The following FGD4 variants were observed in gnomAD, a reference collection of about 807,000 sequenced individuals.
FGD4 encodes FYVE, RhoGEF and PH domain containing 4, also known as FYVE, RhoGEF and PH domain-containing protein 4.
Under a neutral mutation model 102.0 loss-of-function variants are expected in FGD4, and 42 were observed. The observed-to-expected ratio is 0.41, with a 90% CI of 0.32 to 0.53. The LOEUF is 0.53. Among genes scored for constraint, FGD4 ranks in the 20% least tolerant of loss-of-function variants. The pLI is 0.21. For synonymous variants in FGD4, 380 were observed against 375.7 expected (o/e 1.01, Z -0.13); for missense variants, 902 against 1,078.2 (o/e 0.84, Z 2.29).
chr12:32,459,877 T>C (rs529494128), intron 1 of FGD4, among the ~76,000 whole-genome samples: 1 of 151,936 alleles, frequency 6.6e-6, no homozygotes, highest in South Asian at 2.1e-4. Flanking sequence ...TTTTTTTGTT[T>C]TTTTTTGTTT....
rs559609064 is a variant in FGD4 at position 32,426,492 on chromosome 12, C to T, written c.166+26533C>T. Among the ~76,000 whole-genome samples, 10 of 152,170 alleles carry T rather than the reference C, an allele frequency of 6.6e-5. No homozygotes were observed. The East Asian group carries it at 1.4e-3, about 21-fold the overall frequency. ...AGTATTTTATTGAGGATTTTCGCATCGATGTTCATCAGGGATATTGGCCTG... is the reference window on the plus strand; with the variant it reads ...AGTATTTTATTGAGGATTTTCGCATTGATGTTCATCAGGGATATTGGCCTG... On this transcript the variant is annotated intron_variant, in intron 1 of 16. Transcript: ENST00000534526.
At chr12:32,427,112 G>A (rs542075478) in intron 1 of FGD4, among the ~76,000 whole-genome samples, 20 of 151,310 alleles carry the variant, frequency 1.3e-4, no homozygotes, top group Middle Eastern at 6.8e-3. Flanking sequence ...GCTAGCTTTT[G>A]AATTTATTTG....
At chr12:32,624,785 T>G in intron 12 of FGD4, 191 bp from the exon 13 acceptor site, 1 of 639,356 alleles carries the variant, frequency 1.6e-6, no homozygotes, top group Non-Finnish European at 2.8e-6. Flanking sequence ...ATTTTCACTT[T>G]TGTTTTTTAG....
chr12:32,584,180 G>A (rs1946825214), intron 4 of FGD4, among the ~76,000 whole-genome samples: 1 of 152,138 alleles, frequency 6.6e-6, no homozygotes, highest in Non-Finnish European at 1.5e-5. Context: ...GCTGTATGTG[G>A]GAAGAAAAAG....
chr12:32,478,673 C>T (rs1943645389), intron 1 of FGD4, among the ~76,000 whole-genome samples: 1 of 152,222 alleles, frequency 6.6e-6, no homozygotes, highest in Non-Finnish European at 1.5e-5. Context: ...CTTTCCCACA[C>T]CTGAGTAGTT....
At position 32,640,375 on chromosome 12, in the gene FGD4, A is replaced by G. The variant is rs1951098766; in HGVS notation, c.2554A>G (p.Lys852Glu). 1.2e-6 allele frequency: 2 copies of G among 1,614,192 alleles called. No individual in the cohort carries two copies. The highest frequency in any genetic ancestry group is 1.7e-6 in the Non-Finnish European group (2 of 1,180,042). ...LPHSFKLTQS[K>E]SVHSFAADSE... ...ACACAGTTTCAAACTGACCCAGTCT[A>G]AGTCCGTGCACAGCTTTGCTGCAGA... Residue 852 changes from lysine to glutamate, a missense_variant, in exon 17 of 17, where the codon AAG (lysine) becomes GAG (glutamate). By Grantham distance (56) the Lys-to-Glu change is moderately conservative (BLOSUM62 1). Around this residue, in one of 2 missense-constraint regions of FGD4, gnomAD observed 459 missense variants for 619.0 expected, o/e 0.74. Transcript: ENST00000534526.
intron 1 of FGD4, among the ~76,000 whole-genome samples, chr12:32,421,410 C>T (rs1941620618): frequency 6.6e-6 from 1 of 152,128 alleles, no homozygotes; most frequent in Non-Finnish European, 1.5e-5. Context: ...TTAACAGTTC[C>T]AATTTTCTTG....
At chr12:32,551,708 GCC>G (rs1283860969) in intron 1 of FGD4, among the ~76,000 whole-genome samples, 2 of 152,156 alleles carry the variant, frequency 1.3e-5, no homozygotes, top group Non-Finnish European at 2.9e-5. Flanking sequence ...GTGTGCATGT[GCC>G]TAGCATTTGA....
intron 1 of FGD4, chr12:32,534,640 T>C: frequency 2.0e-6 from 1 of 505,926 alleles, no homozygotes; most frequent in Non-Finnish European, 3.2e-6. Flanking sequence ...GTTTTCAAGT[T>C]CAAGATTAAA....
At chr12:32,451,834 CAAAAAAAAAAAAAA>C (rs60760923) in intron 1 of FGD4, among the ~76,000 whole-genome samples, 3 of 24,152 alleles carry the variant, frequency 1.2e-4, no homozygotes, top group African/African-American at 1.6e-4. Flanking sequence ...AACTCCATCT[CAAAAAAAAAAAAAA>C]AAAAAAAAAA....
At chr12:32,471,488 T>A (rs1943413376) in intron 1 of FGD4, among the ~76,000 whole-genome samples, 1 of 152,232 alleles carries the variant, frequency 6.6e-6, no homozygotes, top group Admixed American at 6.5e-5. Flanking sequence ...GTATAATGCA[T>A]TAGATTTTTC....
At chr12:32,593,689 T>C (rs4931023) in intron 4 of FGD4, among the ~76,000 whole-genome samples, 2 of 151,724 alleles carry the variant, frequency 1.3e-5, no homozygotes, top group Non-Finnish European at 2.9e-5. Context: ...TACACAGTTA[T>C]ATCTGTTAGT....
intron 14 of FGD4, among the ~76,000 whole-genome samples, chr12:32,629,524 T>C (rs181614329): frequency 1.6e-4 from 24 of 152,340 alleles, no homozygotes; most frequent in African/African-American, 5.8e-4. Flanking sequence ...TATGATATGT[T>C]ATTTCTGTTA....
chr12:32,480,533 A>T (rs1338898066), intron 1 of FGD4, among the ~76,000 whole-genome samples: 3 of 143,110 alleles, frequency 2.1e-5, no homozygotes, highest in East Asian at 2.1e-4. Flanking sequence ...ACGGAGTCTT[A>T]CTCTGTCACC....
intron 1 of FGD4, among the ~76,000 whole-genome samples, chr12:32,428,730 A>G (rs1389595203): frequency 1.3e-5 from 2 of 151,776 alleles, no homozygotes; most frequent in Non-Finnish European, 2.9e-5. Context: ...TCTTTTTAAT[A>G]GTCCCATATT....
At chr12:32,507,393 C>T (rs891656972) in intron 1 of FGD4, among the ~76,000 whole-genome samples, 6 of 151,982 alleles carry the variant, frequency 3.9e-5, no homozygotes, top group Admixed American at 1.3e-4. Context: ...CTAGGGCAGT[C>T]CCATATAAGC....
At chr12:32,570,567 A>T (rs1196825718) in intron 2 of FGD4, among the ~76,000 whole-genome samples, 1 of 151,740 alleles carries the variant, frequency 6.6e-6, no homozygotes, top group Admixed American at 6.6e-5. Context: ...TCAGCCTCCC[A>T]AGTAGCTGGG....
intron 1 of FGD4, among the ~76,000 whole-genome samples, chr12:32,432,678 G>T (rs79458583): frequency 6.6e-6 from 1 of 151,762 alleles, no homozygotes; most frequent in Non-Finnish European, 1.5e-5. Context: ...TACAGAGAAG[G>T]GTTCTTCATC....
chr12:32,611,557 A>C (rs1285774680), intron 10 of FGD4, among the ~76,000 whole-genome samples: 1 of 152,152 alleles, frequency 6.6e-6, no homozygotes, highest in African/African-American at 2.4e-5. Flanking sequence ...GTGCCACTGC[A>C]CTCCAGTCTG....
Sources: allele counts gnomAD v4.1 joint callset (sites outside exome capture counted in the v4.1 genomes callset), GRCh38; gene constraint gnomAD v4.1.1; regional missense constraint gnomAD v4.1.1; transcripts MANE v1.5; gene names NCBI Gene and HGNC (gene_info 2026-07-23, HGNC 2026-07-21).